The following RPH3A variants were observed in gnomAD, a reference collection of about 807,000 sequenced individuals.
RPH3A encodes rabphilin-3A.
Under a neutral mutation model 102.2 loss-of-function variants are expected in RPH3A, and 48 were observed. That is an observed-to-expected ratio of 0.47 (90% CI 0.37 to 0.60). The LOEUF is 0.60. Among genes scored for constraint, RPH3A ranks in the 20% least tolerant of loss-of-function variants. The probability of loss-of-function intolerance (pLI) is 0.00; values close to 1 mark genes in which losing one functional copy is unlikely to be tolerated. For missense variants in RPH3A, 781 were observed against 910.1 expected (o/e 0.86, Z 1.83); for synonymous variants, 310 against 324.3 (o/e 0.96, Z 0.47).
At chr12:112,612,104 C>T (rs892753596) in intron 1 of RPH3A, among the ~76,000 whole-genome samples, 8 of 152,214 alleles carry the variant, frequency 5.3e-5, no homozygotes, top group African/African-American at 1.4e-4. Context: ...TGCCAACCCA[C>T]GCTCTGCTTT....
At chr12:112,590,137 T>C (rs2039467413) in intron 1 of RPH3A, among the ~76,000 whole-genome samples, 1 of 151,996 alleles carries the variant, frequency 6.6e-6, no homozygotes, top group African/African-American at 2.4e-5. Context: ...TCTGGACTGC[T>C]TGCATCATAG....
intron 1 of RPH3A, among the ~76,000 whole-genome samples, chr12:112,750,591 G>T (rs2040779958): frequency 6.6e-6 from 1 of 152,126 alleles, no homozygotes; most frequent in South Asian, 2.1e-4. Flanking sequence ...GAGGCCAATA[G>T]GGTGCACTGC....
chr12:112,668,819 T>TA (rs537551179), intron 1 of RPH3A, among the ~76,000 whole-genome samples: 4 of 146,194 alleles, frequency 2.7e-5, no homozygotes, highest in Non-Finnish European at 4.5e-5. Context: ...GACTTAAAGT[T>TA]AAAAAAAAAA....
intron 1 of RPH3A, among the ~76,000 whole-genome samples, chr12:112,741,309 G>A (rs749093137): frequency 2.0e-4 from 30 of 152,184 alleles, no homozygotes; most frequent in South Asian, 6.2e-4. Context: ...ATATGGCTGG[G>A]GCTTTTCACT....
At chr12:112,697,254 C>T (rs1396036809) in intron 1 of RPH3A, among the ~76,000 whole-genome samples, 1 of 151,972 alleles carries the variant, frequency 6.6e-6, no homozygotes, top group Non-Finnish European at 1.5e-5. Context: ...GACTAGAACT[C>T]ATAAGAGAAT....
At chr12:112,861,569 G>A (rs2042513535) in intron 5 of RPH3A, among the ~76,000 whole-genome samples, 1 of 152,232 alleles carries the variant, frequency 6.6e-6, no homozygotes, top group Non-Finnish European at 1.5e-5. Context: ...GGACTTGGGA[G>A]CCGACTGCCT....
intron 5 of RPH3A, among the ~76,000 whole-genome samples, chr12:112,862,224 A>AGTGAGAC (rs111508776): frequency 0.02 from 3,079 of 150,910 alleles, 129 homozygotes; most frequent in African/African-American, 0.07. Context: ...TGGGCCACAG[A>AGTGAGAC]GTGAGACTCA....
chr12:112,807,904 T>C (rs1315898279), intron 2 of RPH3A, among the ~76,000 whole-genome samples: 1 of 152,158 alleles, frequency 6.6e-6, no homozygotes, highest in Non-Finnish European at 1.5e-5. Context: ...ACTTTAATTA[T>C]TTACTTTGTC....
chr12:112,593,967 G>A lies in RPH3A; in HGVS notation c.-140+18648G>A, dbSNP rs74870534. On this transcript the variant is annotated intron_variant, in intron 1 of 21. Coordinates refer to the RPH3A transcript ENST00000543106. ...ACTTACTTCCCTTCAGATTTTGAGTGCTCTGAGAGTAGATCCTGTGTCTGT... is the reference window on the plus strand; with the variant it reads ...ACTTACTTCCCTTCAGATTTTGAGTACTCTGAGAGTAGATCCTGTGTCTGT... Among the ~76,000 whole-genome samples, 992 of 152,262 alleles carry A rather than the reference G, an allele frequency of 6.5e-3. 17 individuals carry two copies. The highest frequency in any genetic ancestry group is 0.023 in the African/African-American group (963 of 41,526).
intron 1 of RPH3A, among the ~76,000 whole-genome samples, chr12:112,700,770 G>T (rs958992973): frequency 1.3e-5 from 2 of 151,900 alleles, no homozygotes; most frequent in Non-Finnish European, 2.9e-5. Context: ...CTCATCCTTC[G>T]CCTACCTCTT....
intron 1 of RPH3A, among the ~76,000 whole-genome samples, chr12:112,641,835 C>A (rs2039892839): frequency 6.6e-6 from 1 of 152,304 alleles, no homozygotes; most frequent in Non-Finnish European, 1.5e-5. Flanking sequence ...TTCATTCAAT[C>A]AGGATTTAGT....
intron 1 of RPH3A, among the ~76,000 whole-genome samples, chr12:112,629,169 A>C (rs2039786052): frequency 6.6e-6 from 1 of 152,202 alleles, no homozygotes; most frequent in Non-Finnish European, 1.5e-5. Context: ...GATTGGCTCT[A>C]GATAAAAAAG....
chr12:112,761,926 T>C (rs932555196), intron 1 of RPH3A, among the ~76,000 whole-genome samples: 1 of 152,212 alleles, frequency 6.6e-6, no homozygotes, highest in African/African-American at 2.4e-5. Flanking sequence ...CACAAACTGC[T>C]TGGGTTCAAA....
At chr12:112,611,174 A>AAGCATT (rs1394159137) in intron 1 of RPH3A, among the ~76,000 whole-genome samples, 1 of 152,214 alleles carries the variant, frequency 6.6e-6, no homozygotes, top group African/African-American at 2.4e-5. Flanking sequence ...GGTAGATGTC[A>AAGCATT]AGCATTCTTT....
intron 1 of RPH3A, among the ~76,000 whole-genome samples, chr12:112,621,678 A>T (rs1182830886): frequency 6.6e-6 from 1 of 151,870 alleles, no homozygotes; most frequent in Non-Finnish European, 1.5e-5. Flanking sequence ...CAAAGCAGCC[A>T]GGAAGCTCGA....
intron 1 of RPH3A, among the ~76,000 whole-genome samples, chr12:112,780,718 T>C (rs1392914177): frequency 1.3e-5 from 2 of 152,214 alleles, no homozygotes; most frequent in African/African-American, 4.8e-5. Context: ...ATTTTACCAA[T>C]GAAGATGGAG....
At chr12:112,852,152 G>A (rs149299686) in intron 5 of RPH3A, among the ~76,000 whole-genome samples, 8 of 152,284 alleles carry the variant, frequency 5.3e-5, no homozygotes, top group South Asian at 2.1e-4. Flanking sequence ...CTGTACCTTG[G>A]TGCTCTTCAG....
At chr12:112,828,463 A>C in intron 3 of RPH3A, 74 bp downstream of exon 3, 2 of 1,123,188 alleles carry the variant, frequency 1.8e-6, no homozygotes, top group Non-Finnish European at 2.6e-6. Context: ...ACTTGAAAAA[A>C]AGAAGGAATA....
In RPH3A at chr12:112,887,841, T is replaced by C. The variant is rs2043029374; in HGVS notation, c.1481T>C (p.Ile494Thr). 6.2e-7 allele frequency: 1 copy of C among 1,613,868 alleles called. No individual in the cohort carries two copies. The highest frequency in any genetic ancestry group is 1.7e-5 in the Admixed American group (1 of 59,994). ...GACAAATTTGGCCACAATGAATTTA[T>C]TGGTGAGACCAGATTCTCCCTCAAG... ...DEDKFGHNEF[I>T]GETRFSLKKL... is the part of the protein sequence containing the mutation. The change falls in exon 17 of 22, where the codon ATT (isoleucine) becomes ACT (threonine). Residue 494 changes from isoleucine to threonine, a missense_variant. Physicochemically the swap from Ile to Thr is moderately conservative, Grantham distance 89. Coordinates refer to ENST00000389385, the MANE Select transcript of RPH3A (RefSeq NM_001143854.2).
Sources: allele counts gnomAD v4.1 joint callset (sites outside exome capture counted in the v4.1 genomes callset), GRCh38; gene constraint gnomAD v4.1.1; transcripts MANE v1.5; gene names NCBI Gene and HGNC (gene_info 2026-07-23, HGNC 2026-07-21).